EPHB1: variants seen among roughly 807,000 people sequenced by gnomAD.
EPHB1 encodes EPH receptor B1, also known as ephrin type-B receptor 1.
A neutral mutation model predicts 94.4 loss-of-function variants in EPHB1; 30 were observed. The observed-to-expected ratio is 0.32, with a 90% confidence interval of 0.24 to 0.43. The LOEUF (loss-of-function observed/expected upper bound fraction) is 0.43. Ranked by LOEUF, EPHB1 falls within the 20% of genes least tolerant of loss-of-function variation. The probability of loss-of-function intolerance (pLI) is 1.00; values close to 1 mark genes in which losing one functional copy is unlikely to be tolerated. For synonymous variants in EPHB1, 522 were observed against 489.1 expected (o/e 1.07, Z -0.89); for missense variants, 1,055 against 1,308.3 (o/e 0.81, Z 2.99).
At chr3:135,098,621 C>G (rs1406836364) in intron 3 of EPHB1, among the ~76,000 whole-genome samples, 1 of 150,670 alleles carries the variant, frequency 6.6e-6, no homozygotes, top group African/African-American at 2.4e-5. Flanking sequence ...CTTTTTTTTT[C>G]TAGAATAAGT....
At chr3:134,998,243 T>C (rs1420198117) in intron 3 of EPHB1, among the ~76,000 whole-genome samples, 1 of 152,196 alleles carries the variant, frequency 6.6e-6, no homozygotes, top group East Asian at 1.9e-4. Context: ...GCTTTTCCCA[T>C]AGGACCACTT....
chr3:135,246,558 C>T (rs914799275), intron 13 of EPHB1, among the ~76,000 whole-genome samples: 6 of 152,108 alleles, frequency 3.9e-5, no homozygotes, highest in Non-Finnish European at 5.9e-5. Flanking sequence ...AATCAAGCAC[C>T]GCTGTGATTT....
intron 1 of EPHB1, among the ~76,000 whole-genome samples, chr3:134,891,414 C>T (rs895828719): frequency 1.3e-5 from 2 of 152,076 alleles, no homozygotes; most frequent in Non-Finnish European, 2.9e-5. Flanking sequence ...CTGGCCTATT[C>T]CTAATTTTTC....
chr3:134,983,661 C>A (rs1934494353), intron 3 of EPHB1, among the ~76,000 whole-genome samples: 1 of 152,236 alleles, frequency 6.6e-6, no homozygotes, highest in African/African-American at 2.4e-5. Flanking sequence ...CTGTGCAAAG[C>A]AGAGGACTAG....
chr3:135,149,270 G>A lies in EPHB1; in HGVS notation c.1298-4882G>A, dbSNP rs145033856. 1.6e-3 allele frequency among the ~76,000 whole-genome samples: 246 copies of A among 152,338 alleles called. 3 individuals are homozygous for A. Among genetic ancestry groups the A allele is most frequent in the Non-Finnish European group, 1.6e-4 (11 of 68,022 alleles). ...TTTCATTTCTTTCTCTCAGTAGAATGTGTAATTTATTCAAAACCTTTATGT... is the reference window on the plus strand; with the variant it reads ...TTTCATTTCTTTCTCTCAGTAGAATATGTAATTTATTCAAAACCTTTATGT... On this transcript the variant is annotated intron_variant, in intron 5 of 15. Coordinates refer to ENST00000398015, the MANE Select transcript of EPHB1 (RefSeq NM_004441.5).
At chr3:135,142,240 A>G (rs1483510214) in intron 5 of EPHB1, among the ~76,000 whole-genome samples, 4 of 152,204 alleles carry the variant, frequency 2.6e-5, no homozygotes, top group African/African-American at 4.8e-5. Flanking sequence ...AGAATGGGAA[A>G]TGGAACTACC....
rs146812246 is a variant in EPHB1, at chr3:134,953,829, G to A, written c.805+1777G>A. Among the ~76,000 whole-genome samples, 229 of 152,300 alleles carry A rather than the reference G, an allele frequency of 1.5e-3. 1 individual carries two copies. Among genetic ancestry groups the A allele is most frequent in the African/African-American group, 5.4e-3 (223 of 41,566 alleles). On this transcript the variant is annotated intron_variant, in intron 3 of 15. Transcript: ENST00000398015. ...TCTTTTTTAGAGGGTTCTGCTGTCC[G>A]TGTAGCTTGTCAGTTACCTCCTGTG...
intron 2 of EPHB1, among the ~76,000 whole-genome samples, chr3:134,947,995 G>A (rs925325291): frequency 6.6e-5 from 10 of 151,966 alleles, no homozygotes; most frequent in African/African-American, 2.2e-4. Context: ...GGGTCTCTCT[G>A]TGTCACCCAT....
rs543693463 is a variant in EPHB1 at position 134,811,455 on chromosome 3, T to A, written c.58+15766T>A. Among the ~76,000 whole-genome samples, 8 of 152,098 alleles carry A rather than the reference T, an allele frequency of 5.3e-5. 1 individual carries two copies. In the South Asian group the frequency reaches 1.2e-3, roughly 24 times the overall value. On this transcript the variant is annotated intron_variant, in intron 1 of 15. Transcript: ENST00000398015. Reference sequence around the variant, plus strand: ...GGTTTCACCATGTTGGCCAGGCTGGTCTTGAACTCCTGACCTCAGGTGATC... The same window carrying A: ...GGTTTCACCATGTTGGCCAGGCTGGACTTGAACTCCTGACCTCAGGTGATC...
intron 4 of EPHB1, among the ~76,000 whole-genome samples, chr3:135,109,556 A>G (rs1939357034): frequency 6.6e-6 from 1 of 152,174 alleles, no homozygotes; most frequent in Non-Finnish European, 1.5e-5. Context: ...GCATGAGAGG[A>G]TGTTGGATAT....
At chr3:134,808,547 A>G (rs1342441997) in intron 1 of EPHB1, among the ~76,000 whole-genome samples, 1 of 152,120 alleles carries the variant, frequency 6.6e-6, no homozygotes, top group Non-Finnish European at 1.5e-5. Context: ...TCTTCCTGGG[A>G]CAGCTAAATT....
chr3:135,167,126 C>T, intron 9 of EPHB1, 120 bp downstream of exon 9: 1 of 1,155,908 alleles, frequency 8.7e-7, no homozygotes, highest in Non-Finnish European at 1.3e-6. Context: ...TCTCTCTCAG[C>T]CCCCAGTGCC....
intron 1 of EPHB1, among the ~76,000 whole-genome samples, chr3:134,890,677 G>A (rs2037961699): frequency 6.6e-6 from 1 of 152,152 alleles, no homozygotes. Context: ...CCTAATGAAT[G>A]TATAAATAAA....
intron 1 of EPHB1, among the ~76,000 whole-genome samples, chr3:134,914,067 A>G (rs2038513881): frequency 6.6e-6 from 1 of 152,042 alleles, no homozygotes; most frequent in African/African-American, 2.4e-5. Context: ...ATGTGACTGG[A>G]TGGCTAAGTT....
In EPHB1 at chr3:135,185,186, G is replaced by C. The variant is rs558458400; in HGVS notation, c.1882+5204G>C. ...GAAGGAAGCTTGCAGTGAAAGGGCT[G>C]TGTGAGAATAGTTGGGATGAGGGAA... On this transcript the variant is annotated intron_variant, in intron 10 of 15. Coordinates refer to ENST00000398015, the MANE Select transcript of EPHB1 (RefSeq NM_004441.5). Among the ~76,000 whole-genome samples, 11 of 152,360 alleles carry C rather than the reference G, an allele frequency of 7.2e-5. No individual in the cohort carries two copies. The South Asian group carries it at 1.2e-3, about 17-fold the overall frequency.
chr3:135,100,243 A>G (rs540075412), intron 3 of EPHB1, among the ~76,000 whole-genome samples: 2 of 152,256 alleles, frequency 1.3e-5, no homozygotes, highest in East Asian at 3.9e-4. Flanking sequence ...TCCCACATTT[A>G]TGCTGCATAA....
At chr3:134,896,261 G>A (rs929476475) in intron 1 of EPHB1, among the ~76,000 whole-genome samples, 4 of 151,732 alleles carry the variant, frequency 2.6e-5, no homozygotes, top group Non-Finnish European at 5.9e-5. Flanking sequence ...CTGTTGAGCT[G>A]TATTTGACTT....
At chr3:135,033,775 G>T (rs1936561101) in intron 3 of EPHB1, among the ~76,000 whole-genome samples, 1 of 152,110 alleles carries the variant, frequency 6.6e-6, no homozygotes, top group South Asian at 2.1e-4. Flanking sequence ...AGGAAATGAA[G>T]ACTAATACGT....
chr3:134,942,407 G>A (rs936387283), intron 2 of EPHB1, among the ~76,000 whole-genome samples: 3 of 152,220 alleles, frequency 2.0e-5, no homozygotes, highest in Non-Finnish European at 4.4e-5. Context: ...GAAGAGCTAT[G>A]GAGATAGGAG....
Sources: allele counts gnomAD v4.1 joint callset (sites outside exome capture counted in the v4.1 genomes callset), GRCh38; gene constraint gnomAD v4.1.1; transcripts MANE v1.5; gene names NCBI Gene and HGNC (gene_info 2026-07-23, HGNC 2026-07-21).